The following DNAJC3 variants were observed in gnomAD, a reference collection of about 807,000 sequenced individuals.
The protein encoded by DNAJC3 is dnaJ homolog subfamily C member 3.
DNAJC3 carries 38 observed loss-of-function variants against 68.6 expected under a neutral mutation model. The observed-to-expected ratio is 0.55, with a 90% CI of 0.43 to 0.73. The LOEUF is 0.73. DNAJC3 is among the 30% of genes least tolerant of loss of function. The probability of loss-of-function intolerance (pLI) is 0.00; values close to 1 mark genes in which losing one functional copy is unlikely to be tolerated. For missense variants in DNAJC3, 526 were observed against 591.9 expected, an observed-to-expected ratio of 0.89 and a Z score of 1.16; for synonymous variants, 203 against 204.0, an observed-to-expected ratio of 1.00 and a Z score of 0.04.
At chr13:95,788,949 C>T (rs1271726923) in intron 11 of DNAJC3, among the ~76,000 whole-genome samples, 3 of 152,210 alleles carry the variant, frequency 2.0e-5, no homozygotes, top group African/African-American at 7.2e-5. Flanking sequence ...CTCAGTTTTA[C>T]TGGTGGGTTT....
intron 9 of DNAJC3, among the ~76,000 whole-genome samples, chr13:95,773,681 C>CT (rs748917225): frequency 7.6e-6 from 1 of 132,450 alleles, no homozygotes; most frequent in Non-Finnish European, 1.7e-5. Context: ...TTTGTATTTT[C>CT]TTTTTTTCCT....
intron 4 of DNAJC3, among the ~76,000 whole-genome samples, chr13:95,739,726 A>C (rs1427183049): frequency 6.6e-6 from 1 of 151,706 alleles, no homozygotes; most frequent in East Asian, 1.9e-4. Flanking sequence ...AATTTTTTTC[A>C]AAGTTTTCAA....
chr13:95,723,452 C>A (rs554368350), intron 3 of DNAJC3, 86 bp downstream of exon 3: 2 of 1,429,598 alleles, frequency 1.4e-6, no homozygotes, highest in African/African-American at 1.4e-5. Flanking sequence ...GACTGGCATG[C>A]TAGACATAGC....
chr13:95,712,603 C>T (rs572625673), intron 2 of DNAJC3, among the ~76,000 whole-genome samples: 54 of 152,222 alleles, frequency 3.5e-4, no homozygotes, highest in African/African-American at 1.2e-3. Context: ...TCTTGAACTT[C>T]CTGACCTCAA....
At chr13:95,727,413 A>G (rs1020679722) in intron 4 of DNAJC3, among the ~76,000 whole-genome samples, 11 of 152,126 alleles carry the variant, frequency 7.2e-5, no homozygotes, top group Admixed American at 5.9e-4. Flanking sequence ...TACTTTTTAG[A>G]TTGCTCTTTG....
chr13:95,789,095 G>A (rs754764674), intron 11 of DNAJC3, among the ~76,000 whole-genome samples: 91 of 152,042 alleles, frequency 6.0e-4, no homozygotes, highest in Non-Finnish European at 1.2e-3. Context: ...TTTTATATTT[G>A]CATTTTTTTC....
chr13:95,727,318 C>T (rs1199092349), intron 4 of DNAJC3, among the ~76,000 whole-genome samples: 2 of 151,894 alleles, frequency 1.3e-5, no homozygotes, highest in African/African-American at 4.8e-5. Flanking sequence ...ATCTTGGTAC[C>T]TTGGATATGC....
chr13:95,699,025 G>T (rs2139615104), intron 1 of DNAJC3, among the ~76,000 whole-genome samples: 1 of 152,308 alleles, frequency 6.6e-6, no homozygotes, highest in East Asian at 1.9e-4. Flanking sequence ...CATAGGGGCT[G>T]GATTTGAAGG....
chr13:95,732,911 T>C (rs1024699151), intron 4 of DNAJC3, among the ~76,000 whole-genome samples: 39 of 152,160 alleles, frequency 2.6e-4, no homozygotes, highest in African/African-American at 9.2e-4. Flanking sequence ...CATCTTAATT[T>C]CTTGACAGAG....
chr13:95,735,606 G>T (rs1322448391), intron 4 of DNAJC3, among the ~76,000 whole-genome samples: 2 of 150,936 alleles, frequency 1.3e-5, no homozygotes, highest in Non-Finnish European at 2.9e-5. Flanking sequence ...TTTTTTGGCC[G>T]CATAAATGTC....
At chr13:95,690,578 C>G (rs1593952794) in intron 1 of DNAJC3, among the ~76,000 whole-genome samples, 1 of 150,790 alleles carries the variant, frequency 6.6e-6, no homozygotes, top group Non-Finnish European at 1.5e-5. Context: ...AGAGGCGCCC[C>G]TCACCTCCCG....
chr13:95,683,371 G>C (rs1311360078), intron 1 of DNAJC3, among the ~76,000 whole-genome samples: 1 of 152,174 alleles, frequency 6.6e-6, no homozygotes, highest in Non-Finnish European at 1.5e-5. Context: ...GGTGGGAAGT[G>C]ATTGGATCAT....
intron 5 of DNAJC3, among the ~76,000 whole-genome samples, chr13:95,759,361 G>A (rs1882756125): frequency 6.6e-6 from 1 of 152,130 alleles, no homozygotes; most frequent in Admixed American, 6.6e-5. Context: ...ACCTAGACTG[G>A]AGTGCAGTGG....
chr13:95,748,533 C>G (rs1026060647), intron 4 of DNAJC3, among the ~76,000 whole-genome samples: 1 of 152,084 alleles, frequency 6.6e-6, no homozygotes, highest in Non-Finnish European at 1.5e-5. Flanking sequence ...ACCAAAGTTT[C>G]GGCTGGGTGA....
intron 4 of DNAJC3, among the ~76,000 whole-genome samples, chr13:95,740,185 C>T (rs952343666): frequency 1.3e-5 from 2 of 152,214 alleles, no homozygotes; most frequent in Non-Finnish European, 2.9e-5. Flanking sequence ...TCTCCAGCTG[C>T]GTGCTGGGAG....
At chr13:95,785,835 G>T in intron 9 of DNAJC3, 104 bp from the exon 10 acceptor site, 1 of 1,088,028 alleles carries the variant, frequency 9.2e-7, no homozygotes. Context: ...GCCAAAGAGT[G>T]AAGGGGTTGG....
chr13:95,721,641 T>G (rs765754942), intron 2 of DNAJC3, among the ~76,000 whole-genome samples: 7 of 137,504 alleles, frequency 5.1e-5, no homozygotes, highest in South Asian at 2.2e-4. Flanking sequence ...AATGTGTGTG[T>G]TTTTTTTTTT....
chr13:95,789,927 T>C (rs529045452), intron 11 of DNAJC3, among the ~76,000 whole-genome samples: 2 of 152,316 alleles, frequency 1.3e-5, no homozygotes, highest in South Asian at 2.1e-4. Context: ...ATATATGTCT[T>C]CTTTTGAGAA....
At chr13:95,722,928 G>A (rs1388375610) in intron 2 of DNAJC3, among the ~76,000 whole-genome samples, 4 of 149,368 alleles carry the variant, frequency 2.7e-5, no homozygotes, top group East Asian at 2.0e-4. Context: ...AAGTAGTTTC[G>A]GCTTTGCGGC....
Sources: gnomAD v4.1 joint callset for allele counts (sites outside exome capture counted in the v4.1 genomes callset) on GRCh38, gnomAD v4.1.1 for gene constraint, MANE v1.5 for transcripts, NCBI Gene and HGNC (gene_info 2026-07-23, HGNC 2026-07-21) for gene names.